UNC13B: variants seen among roughly 807,000 people sequenced by gnomAD.
UNC13B encodes unc-13 homolog B.
Under a neutral mutation model 211.0 loss-of-function variants are expected in UNC13B, and 144 were observed. The observed-to-expected ratio is 0.68, with a 90% CI of 0.60 to 0.78. The LOEUF (loss-of-function observed/expected upper bound fraction) is 0.78, where lower values mean the gene tolerates loss of function less well. UNC13B is among the 30% of genes least tolerant of loss of function. The probability of loss-of-function intolerance (pLI) is 0.00; values close to 1 mark genes in which losing one functional copy is unlikely to be tolerated. For synonymous variants in UNC13B, 709 were observed against 725.8 expected (o/e 0.98, Z 0.37); for missense variants, 1,777 against 2,002.0 (o/e 0.89, Z 2.14).
chr9:35,231,279 A>C (rs930404488), intron 3 of UNC13B, 60 bp downstream of exon 3: 3 of 1,075,238 alleles, frequency 2.8e-6, no homozygotes, highest in Non-Finnish European at 4.3e-6. Flanking sequence ...AGGGAATTGC[A>C]TTGGATGAAA....
intron 11 of UNC13B, among the ~76,000 whole-genome samples, chr9:35,365,996 A>G (rs918229267): frequency 1.3e-5 from 2 of 152,078 alleles, no homozygotes; most frequent in African/African-American, 4.8e-5. Flanking sequence ...ACTTCTCCCC[A>G]CTTTAGCTCT....
At chr9:35,327,885 G>A (rs771022905) in intron 11 of UNC13B, among the ~76,000 whole-genome samples, 4 of 152,156 alleles carry the variant, frequency 2.6e-5, no homozygotes, top group Admixed American at 6.5e-5. Flanking sequence ...ATCTAGCTCC[G>A]TCCTTGGAAT....
intron 1 of UNC13B, among the ~76,000 whole-genome samples, chr9:35,169,902 C>T (rs1821243018): frequency 6.6e-6 from 1 of 152,104 alleles, no homozygotes; most frequent in Non-Finnish European, 1.5e-5. Flanking sequence ...AAAGTTTGGG[C>T]TGTGTATCAT....
chr9:35,331,207 C>T (rs1351467114), intron 11 of UNC13B, among the ~76,000 whole-genome samples: 1 of 152,158 alleles, frequency 6.6e-6, no homozygotes, highest in Non-Finnish European at 1.5e-5. Context: ...AATGAAGCAA[C>T]TTAAGTAATT....
chr9:35,318,636 T>C (rs545671475), intron 11 of UNC13B, among the ~76,000 whole-genome samples: 2 of 152,360 alleles, frequency 1.3e-5, no homozygotes, highest in South Asian at 4.1e-4. Context: ...AGCTGCGTAA[T>C]ATTCCATTGA....
intron 1 of UNC13B, among the ~76,000 whole-genome samples, chr9:35,200,173 G>C (rs1441352104): frequency 2.6e-5 from 4 of 151,180 alleles, no homozygotes; most frequent in Non-Finnish European, 5.9e-5. Context: ...TTATTTCTGA[G>C]GGTTCTGTTC....
chr9:35,402,745 TC>T (rs1836406882), intron 37 of UNC13B, among the ~76,000 whole-genome samples: 1 of 152,052 alleles, frequency 6.6e-6, no homozygotes, highest in African/African-American at 2.4e-5. Flanking sequence ...CCTCTAGGAA[TC>T]CTGGGCATAG....
intron 6 of UNC13B, among the ~76,000 whole-genome samples, chr9:35,243,852 A>T (rs1392336410): frequency 6.6e-6 from 1 of 152,048 alleles, no homozygotes; most frequent in Admixed American, 6.6e-5. Flanking sequence ...TGTTTTTGTT[A>T]TTGCTGATGG....
In UNC13B at chr9:35,396,941, A is replaced by AGT; in HGVS notation, c.11532+5_11532+6dup. 1 of 1,614,102 alleles carries AGT rather than the reference A, an allele frequency of 6.2e-7. No homozygotes were observed. The highest frequency in any genetic ancestry group is 8.5e-7 in the Non-Finnish European group (1 of 1,179,976). On this transcript the variant is annotated splice_donor_region_variant and intron_variant, in intron 28 of 39. Coordinates refer to ENST00000635942, the MANE Select transcript of UNC13B (RefSeq NM_001371189.2). ...GGAACGAGATAAGAAGGATGGAGTA[A>AGT]GTCAGGGGCTTTGGCTGCACCGGGT...
chr9:35,348,170 T>C (rs1832487096), intron 11 of UNC13B, among the ~76,000 whole-genome samples: 1 of 152,184 alleles, frequency 6.6e-6, no homozygotes, highest in Non-Finnish European at 1.5e-5. Context: ...GTTAGCCTGG[T>C]CTACACTGAA....
At chr9:35,221,938 G>A (rs974625337) in intron 1 of UNC13B, among the ~76,000 whole-genome samples, 1 of 152,132 alleles carries the variant, frequency 6.6e-6, no homozygotes, top group Non-Finnish European at 1.5e-5. Flanking sequence ...GAATTGCCTT[G>A]GCAATTTTGT....
rs1424541877 is a variant in UNC13B at position 35,352,663 on chromosome 9, G to T, written c.9415-14284G>T. Reference sequence around the variant, plus strand: ...AGCAAGGCCCTTGCTTTCTACTCAAGAACAATTTATCAAAGGAAAGTGATG... The same window carrying T: ...AGCAAGGCCCTTGCTTTCTACTCAATAACAATTTATCAAAGGAAAGTGATG... On this transcript the variant is annotated intron_variant, in intron 11 of 39. Transcript: ENST00000635942. 15 of 1,231,928 alleles carry T rather than the reference G, an allele frequency of 1.2e-5. No individual in the cohort carries two copies. In the South Asian group the frequency reaches 1.2e-4, roughly 10 times the overall value. 76.3% of individuals were successfully genotyped at this position (1,231,928 alleles called of 1,614,324 possible). A position where few individuals can be genotyped will look rare whatever the true frequency, so the allele number is the denominator to read the frequency against.
rs1030094954 is a variant in UNC13B at position 35,403,229 on chromosome 9, G to A, written c.12547G>A (p.Gly4183Ser). 5 of 1,614,070 alleles carry A rather than the reference G, an allele frequency of 3.1e-6. No individual in the cohort carries two copies. The highest frequency in any genetic ancestry group is 4.2e-6 in the Non-Finnish European group (5 of 1,180,034). Residue 4183 changes from glycine to serine, a missense_variant, in exon 38 of 40, where the codon GGT becomes AGT. Transcript: ENST00000635942. ...TCAGGTGGACTTGTTTACACACCCT[G>A]GTACTGGGGAGCACAAGGTCACAGT... is the stretch of plus-strand genomic sequence containing the variant. Reference protein sequence around the residue: ...SIQVDLFTHPGTGEHKVTVKV... With the variant: ...SIQVDLFTHPSTGEHKVTVKV...
chr9:35,359,818 C>T (rs1833277904), intron 11 of UNC13B, among the ~76,000 whole-genome samples: 1 of 152,190 alleles, frequency 6.6e-6, no homozygotes, highest in South Asian at 2.1e-4. Context: ...AGTGGTCTCA[C>T]TGCTCTCCCT....
chr9:35,360,119 C>T (rs1254191362), intron 11 of UNC13B, among the ~76,000 whole-genome samples: 1 of 152,218 alleles, frequency 6.6e-6, no homozygotes, highest in African/African-American at 2.4e-5. Flanking sequence ...TTACTCATTT[C>T]TTTCAAGTCT....
chr9:35,162,085 C>T lies in UNC13B; in HGVS notation c.-199C>T. 1.3e-6 allele frequency: 1 copy of T among 779,724 alleles called. No homozygotes were observed. Among genetic ancestry groups the T allele is most frequent in the Non-Finnish European group, 2.0e-6 (1 of 492,630 alleles). The allele number at this position is 779,724 out of a possible 1,614,324, so 48.3% of individuals were successfully genotyped here. A position where few individuals can be genotyped will look rare whatever the true frequency, so the allele number is the denominator to read the frequency against. On this transcript the variant is annotated 5_prime_UTR_variant, in exon 1 of 40. Coordinates refer to ENST00000635942, the MANE Select transcript of UNC13B (RefSeq NM_001371189.2). ...TCCCCAGCCTGCCGGCCGGTACTCACCGCTACCCGGAGTTCGCTCAGACGG... is the reference window on the plus strand; with the variant it reads ...TCCCCAGCCTGCCGGCCGGTACTCATCGCTACCCGGAGTTCGCTCAGACGG...
At chr9:35,319,817 G>A (rs1830651721) in intron 11 of UNC13B, among the ~76,000 whole-genome samples, 1 of 151,784 alleles carries the variant, frequency 6.6e-6, no homozygotes, top group Non-Finnish European at 1.5e-5. Flanking sequence ...TGCCACTTAT[G>A]CCCAGCAAAT....
intron 5 of UNC13B, among the ~76,000 whole-genome samples, chr9:35,242,458 A>C (rs199574792): frequency 6.6e-6 from 1 of 152,088 alleles, no homozygotes; most frequent in South Asian, 2.1e-4. Flanking sequence ...CCCCCTCCCC[A>C]CAGCCACTGG....
chr9:35,371,408 G>A (rs1326941564), intron 13 of UNC13B, among the ~76,000 whole-genome samples: 6 of 147,754 alleles, frequency 4.1e-5, no homozygotes, highest in East Asian at 2.0e-4. Flanking sequence ...TCAAACTCCC[G>A]GGCTCAAGTG....
Sources: gnomAD v4.1 joint callset for allele counts (sites outside exome capture counted in the v4.1 genomes callset) on GRCh38, gnomAD v4.1.1 for gene constraint, MANE v1.5 for transcripts, NCBI Gene and HGNC (gene_info 2026-07-23, HGNC 2026-07-21) for gene names.